Variants in FER1L6 observed in about 807,000 individuals in gnomAD.
The protein encoded by FER1L6 is fer-1-like protein 6.
In FER1L6, 177 loss-of-function variants were observed where a neutral mutation model predicts 219.2. The ratio of observed to expected loss-of-function variants is 0.81; its 90% CI spans 0.71 to 0.91. The LOEUF (loss-of-function observed/expected upper bound fraction) is 0.91. FER1L6 is among the 40% of genes least tolerant of loss of function. The pLI is 0.00. For synonymous variants in FER1L6, 768 were observed against 824.3 expected, an observed-to-expected ratio of 0.93 and a Z score of 1.17; for missense variants, 2,153 against 2,259.9, an observed-to-expected ratio of 0.95 and a Z score of 0.96.
In FER1L6 at chr8:124,003,226, T is replaced by C. The variant is rs1292907758; in HGVS notation, c.1579T>C (p.Ser527Pro). ...SHHGSKKSAE[S>P]AEEDLLPLLH... ...TCATGGGAGTAAGAAGTCAGCTGAA[T>C]CAGCTGAAGAAGACCTCCTTCCACT... Residue 527 changes from serine (S) to proline (P), a missense_variant, in exon 13 of 41, where the codon TCA (serine) becomes CCA (proline). Transcript: ENST00000522917. 1.9e-6 allele frequency: 3 copies of C among 1,614,064 alleles called. No homozygotes were observed. Among genetic ancestry groups the C allele is most frequent in the Admixed American group, 3.3e-5 (2 of 60,020 alleles).
In FER1L6 at chr8:123,976,001, A is replaced by T. The variant is rs1816053340; in HGVS notation, c.787A>T (p.Met263Leu). ...GTTGCCCAAAATGAATTCAAGCATC[A>T]TGGCGAACGTCACCAAGGCATTTGT... ...EGLPKMNSSI[M>L]ANVTKAFVGD... Residue 263 changes from methionine (M) to leucine (L), a missense_variant, in exon 9 of 41, where the codon ATG becomes TTG. Coordinates refer to ENST00000522917, the MANE Select transcript of FER1L6 (RefSeq NM_001039112.2). 2.5e-6 allele frequency: 4 copies of T among 1,614,116 alleles called. No individual in the cohort carries two copies. The highest frequency in any genetic ancestry group is 3.4e-6 in the Non-Finnish European group (4 of 1,179,992).
chr8:123,938,790 T>C (rs1489640542), intron 1 of FER1L6, among the ~76,000 whole-genome samples: 1 of 152,128 alleles, frequency 6.6e-6, no homozygotes, highest in African/African-American at 2.4e-5. Flanking sequence ...TCAAGCTATC[T>C]ACCTGCCTTG....
At chr8:123,986,684 A>ACTCTC (rs1307552218) in intron 12 of FER1L6, among the ~76,000 whole-genome samples, 1 of 151,998 alleles carries the variant, frequency 6.6e-6, no homozygotes, top group Non-Finnish European at 1.5e-5. Context: ...CCAGCCTTTG[A>ACTCTC]TAACCATCAT....
chr8:124,100,006 C>T (rs962422714), intron 37 of FER1L6, among the ~76,000 whole-genome samples: 7 of 152,126 alleles, frequency 4.6e-5, no homozygotes, highest in African/African-American at 1.4e-4. Context: ...ACTCCCCTGG[C>T]GTCAAGCTCT....
chr8:124,039,751 T>C (rs1161325601), intron 19 of FER1L6, 131 bp from the exon 20 acceptor site: 2 of 1,112,984 alleles, frequency 1.8e-6, no homozygotes, highest in African/African-American at 3.1e-5. Flanking sequence ...CAGAGGAGGG[T>C]GGATGTGGCT....
At chr8:124,008,164 G>T (rs530599154) in intron 13 of FER1L6, among the ~76,000 whole-genome samples, 1 of 152,228 alleles carries the variant, frequency 6.6e-6, no homozygotes, top group East Asian at 1.9e-4. Flanking sequence ...TCATAGCTTA[G>T]CTCCCATTTA....
At chr8:123,951,079 G>A (rs1814739077) in intron 1 of FER1L6, among the ~76,000 whole-genome samples, 1 of 152,182 alleles carries the variant, frequency 6.6e-6, no homozygotes, top group Non-Finnish European at 1.5e-5. Context: ...ATTCCTTTTG[G>A]TTAAGAAATT....
At chr8:123,951,827 G>T (rs1814781541) in intron 1 of FER1L6, among the ~76,000 whole-genome samples, 1 of 152,240 alleles carries the variant, frequency 6.6e-6, no homozygotes, top group Admixed American at 6.5e-5. Context: ...GGAAGGTGAG[G>T]TGCACAGGTA....
intron 32 of FER1L6, among the ~76,000 whole-genome samples, chr8:124,079,804 T>C (rs1295525985): frequency 6.6e-6 from 1 of 152,176 alleles, no homozygotes; most frequent in Non-Finnish European, 1.5e-5. Flanking sequence ...TTGACCTGGT[T>C]GGGAAAATGG....
chr8:124,027,783 C>G (rs912529010), intron 18 of FER1L6, among the ~76,000 whole-genome samples: 5 of 152,178 alleles, frequency 3.3e-5, no homozygotes, highest in Admixed American at 2.0e-4. Flanking sequence ...ATCTCAAACT[C>G]CTGGCCTCAA....
intron 30 of FER1L6, 40 bp from the exon 31 acceptor site, chr8:124,071,466 T>G (rs777409716): frequency 1.2e-6 from 2 of 1,611,732 alleles, no homozygotes; most frequent in Admixed American, 1.7e-5. Context: ...GTGGGACATA[T>G]GACCATCTCA....
intron 1 of FER1L6, among the ~76,000 whole-genome samples, chr8:123,872,730 A>G (rs1247771608): frequency 1.3e-5 from 2 of 152,208 alleles, no homozygotes; most frequent in Non-Finnish European, 2.9e-5. Context: ...CATACCTGAT[A>G]GAGAATTCCC....
intron 33 of FER1L6, among the ~76,000 whole-genome samples, chr8:124,084,044 C>A (rs1259691151): frequency 2.0e-5 from 3 of 151,800 alleles, no homozygotes; most frequent in East Asian, 1.9e-4. Context: ...GGATTGCTTT[C>A]TTTATTTCTT....
chr8:123,944,866 A>G (rs969207481), intron 1 of FER1L6, among the ~76,000 whole-genome samples: 15 of 152,234 alleles, frequency 9.9e-5, no homozygotes, highest in Admixed American at 5.9e-4. Context: ...GGCACAGTTT[A>G]TCTACTCAGG....
chr8:124,017,989 G>C (rs1479904005), intron 16 of FER1L6, among the ~76,000 whole-genome samples: 3 of 152,192 alleles, frequency 2.0e-5, no homozygotes, highest in African/African-American at 7.2e-5. Context: ...TTCATATTTT[G>C]TTAAAGGCGG....
intron 35 of FER1L6, among the ~76,000 whole-genome samples, chr8:124,096,319 A>G (rs897659211): frequency 4.6e-5 from 7 of 152,168 alleles, no homozygotes; most frequent in African/African-American, 1.7e-4. Flanking sequence ...TTCTTCCCAA[A>G]TGCTAAACCT....
rs139389127 is a variant in FER1L6, at chr8:123,962,128, A to T, written c.77-1150A>T. Among the ~76,000 whole-genome samples the T allele has an allele frequency of 8.8e-3, 1,341 of 152,090 alleles. 20 individuals are homozygous for T. Among genetic ancestry groups the T allele is most frequent in the African/African-American group, 0.031 (1,273 of 41,502 alleles). On this transcript the variant is annotated intron_variant, in intron 2 of 40. Transcript: ENST00000522917. ...ATGGTCTCGATATCTTGACCTCATG[A>T]TCTGCCTGCCTCAGCCTTCCAAAGT...
intron 22 of FER1L6, among the ~76,000 whole-genome samples, chr8:124,056,598 C>G (rs1355776717): frequency 6.6e-6 from 1 of 152,214 alleles, no homozygotes; most frequent in Non-Finnish European, 1.5e-5. Flanking sequence ...TAGCTTCAGG[C>G]AGCATCTCTG....
At chr8:124,056,290 C>A (rs879262375) in intron 22 of FER1L6, among the ~76,000 whole-genome samples, 1 of 152,216 alleles carries the variant, frequency 6.6e-6, no homozygotes. Flanking sequence ...CCAAAAGGGG[C>A]CACTGCTATT....
Sources: allele counts gnomAD v4.1 joint callset (sites outside exome capture counted in the v4.1 genomes callset), GRCh38; gene constraint gnomAD v4.1.1; transcripts MANE v1.5; gene names NCBI Gene and HGNC (gene_info 2026-07-23, HGNC 2026-07-21).